Variants in MRTFB observed in about 807,000 individuals in gnomAD.
MRTFB encodes the protein myocardin-related transcription factor B.
MRTFB carries 29 observed loss-of-function variants against 104.2 expected under a neutral mutation model. The observed-to-expected ratio is 0.28, with a 90% CI of 0.21 to 0.38. The LOEUF is 0.38. MRTFB is among the 10% of genes least tolerant of loss of function. The pLI, the probability that MRTFB is intolerant of heterozygous loss-of-function variation, is 1.00. For synonymous variants in MRTFB, 535 were observed against 519.5 expected, an observed-to-expected ratio of 1.03 and a Z score of -0.41; for missense variants, 1,270 against 1,341.6, an observed-to-expected ratio of 0.95 and a Z score of 0.83.
chr16:14,251,408 A>G (rs543058467), intron 13 of MRTFB, among the ~76,000 whole-genome samples: 1 of 149,886 alleles, frequency 6.7e-6, no homozygotes, highest in East Asian at 2.0e-4. Flanking sequence ...AAGACTTGAG[A>G]GTAGATGAGC....
intron 3 of MRTFB, among the ~76,000 whole-genome samples, chr16:14,204,165 A>C (rs983772817): frequency 1.3e-5 from 2 of 151,958 alleles, no homozygotes; most frequent in African/African-American, 4.8e-5. Flanking sequence ...TGGTAGAGAC[A>C]GGGTCTCACT....
chr16:14,014,516 A>G, the MRTFB span, among the ~76,000 whole-genome samples: 2 of 151,960 alleles, frequency 1.3e-5, no homozygotes, highest in South Asian at 4.1e-4. Flanking sequence ...TGATTGCGCC[A>G]CTGCGCTCCA....
At chr16:14,184,772 A>C (rs1354976073) in intron 3 of MRTFB, among the ~76,000 whole-genome samples, 1 of 152,210 alleles carries the variant, frequency 6.6e-6, no homozygotes, top group Non-Finnish European at 1.5e-5. Context: ...GATGAAATTA[A>C]AGCCTGGAGC....
chr16:14,003,712 C>T, the MRTFB span, among the ~76,000 whole-genome samples: 1 of 148,348 alleles, frequency 6.7e-6, no homozygotes, highest in Non-Finnish European at 1.5e-5. Flanking sequence ...TTCTTCCTTC[C>T]CTCCCTGCCA....
At chr16:14,238,113 C>A (rs756067689) in intron 9 of MRTFB, among the ~76,000 whole-genome samples, 1 of 152,042 alleles carries the variant, frequency 6.6e-6, no homozygotes, top group Non-Finnish European at 1.5e-5. Flanking sequence ...TGTCTGGAGA[C>A]GTTTCTGGTT....
At chr16:14,090,337 C>G (rs2034978553) in intron 2 of MRTFB, among the ~76,000 whole-genome samples, 1 of 152,186 alleles carries the variant, frequency 6.6e-6, no homozygotes, top group Admixed American at 6.5e-5. Context: ...TGTGAGAAAA[C>G]CAAATCTCCT....
chr16:14,017,709 ATAT>A, the MRTFB span, among the ~76,000 whole-genome samples: 9 of 15,924 alleles, frequency 5.7e-4, 1 homozygote, highest in African/African-American at 1.1e-3. Flanking sequence ...ATATATATAT[ATAT>A]TTTTTTTTTT....
chr16:14,107,361 C>T lies in MRTFB; in HGVS notation c.-64+28007C>T, dbSNP rs949450382. ...ACGCCTAGAATCTCTCTCCCATTCA[C>T]GCCTAGAATCTCTCTCCCATGGAAT... On this transcript the variant is annotated intron_variant, in intron 2 of 16. Coordinates refer to ENST00000571589, the MANE Select transcript of MRTFB (RefSeq NM_001308142.2). 7.2e-5 allele frequency among the ~76,000 whole-genome samples: 11 copies of T among 152,286 alleles called. No individual in the cohort carries two copies. The East Asian group carries it at 9.6e-4, about 13-fold the overall frequency.
At chr16:14,255,149 A>G (rs1024414572) in intron 15 of MRTFB, among the ~76,000 whole-genome samples, 5 of 152,248 alleles carry the variant, frequency 3.3e-5, no homozygotes, top group African/African-American at 1.2e-4. Flanking sequence ...ACAGCCCAGA[A>G]TCCTGTTATA....
intron 15 of MRTFB, among the ~76,000 whole-genome samples, chr16:14,257,022 A>G (rs1384035585): frequency 6.6e-6 from 1 of 152,204 alleles, no homozygotes; most frequent in Non-Finnish European, 1.5e-5. Flanking sequence ...GGAAATGCAA[A>G]TTAAAACCCC....
chr16:14,227,965 A>C (rs2042085549), intron 8 of MRTFB, among the ~76,000 whole-genome samples: 1 of 152,140 alleles, frequency 6.6e-6, no homozygotes. Flanking sequence ...AAAAAAAAAA[A>C]AACAGGCAAA....
At chr16:14,136,837 A>G (rs941879213) in intron 2 of MRTFB, among the ~76,000 whole-genome samples, 1 of 151,946 alleles carries the variant, frequency 6.6e-6, no homozygotes, top group Non-Finnish European at 1.5e-5. Context: ...GAGAAGTTGT[A>G]TCCCAGGTTG....
intron 8 of MRTFB, among the ~76,000 whole-genome samples, chr16:14,229,872 G>A (rs1382604750): frequency 6.6e-6 from 1 of 151,978 alleles, no homozygotes; most frequent in Non-Finnish European, 1.5e-5. Context: ...TGGAAACAGT[G>A]GTCAGATCCA....
At chr16:14,164,159 C>T (rs1006015036) in intron 3 of MRTFB, among the ~76,000 whole-genome samples, 1 of 152,196 alleles carries the variant, frequency 6.6e-6, no homozygotes, top group African/African-American at 2.4e-5. Context: ...TTCCTTCTGT[C>T]TACCTGTATG....
chr16:14,049,598 A>C, the MRTFB span, among the ~76,000 whole-genome samples: 1 of 152,248 alleles, frequency 6.6e-6, no homozygotes, highest in Non-Finnish European at 1.5e-5. Context: ...AAATGACTTC[A>C]TTGAGACAAT....
At chr16:14,121,366 A>G (rs1178966273) in intron 2 of MRTFB, among the ~76,000 whole-genome samples, 1 of 152,112 alleles carries the variant, frequency 6.6e-6, no homozygotes, top group Non-Finnish European at 1.5e-5. Flanking sequence ...GTTTCTGTCA[A>G]CCACTTCTGC....
At chr16:14,125,361 G>A (rs893567080) in intron 2 of MRTFB, among the ~76,000 whole-genome samples, 1 of 152,366 alleles carries the variant, frequency 6.6e-6, no homozygotes, top group East Asian at 1.9e-4. Flanking sequence ...ATTCCTGGGG[G>A]TAAATACTGT....
intron 8 of MRTFB, among the ~76,000 whole-genome samples, chr16:14,226,708 C>T (rs2042017943): frequency 6.6e-6 from 1 of 152,156 alleles, no homozygotes; most frequent in South Asian, 2.1e-4. Flanking sequence ...GACATGGTGA[C>T]TCACGCCTGT....
chr16:14,240,645 G>A (rs2042726329), intron 10 of MRTFB, 161 bp downstream of exon 10: 1 of 1,208,572 alleles, frequency 8.3e-7, no homozygotes, highest in African/African-American at 1.5e-5. Flanking sequence ...AAGTCCACAT[G>A]GTGAGAGTGG....
Sources: allele counts gnomAD v4.1 joint callset (sites outside exome capture counted in the v4.1 genomes callset), GRCh38; gene constraint gnomAD v4.1.1; transcripts MANE v1.5; gene names NCBI Gene and HGNC (gene_info 2026-07-23, HGNC 2026-07-21).